Variants in RYR2 observed in about 807,000 individuals in gnomAD.
RYR2 encodes the protein cardiac muscle ryanodine receptor-calcium release channel.
In RYR2, 227 loss-of-function variants were observed where a neutral mutation model predicts 601.1. That is an observed-to-expected ratio of 0.38 (90% CI 0.34 to 0.42). The LOEUF is 0.42. RYR2 is among the 10% of genes least tolerant of loss of function. The pLI, the probability that RYR2 is intolerant of heterozygous loss-of-function variation, is 1.00. For synonymous variants in RYR2, 2,223 were observed against 2,175.1 expected, an observed-to-expected ratio of 1.02 and a Z score of -0.61; for missense variants, 4,646 against 6,156.5, an observed-to-expected ratio of 0.75 and a Z score of 8.21.
At chr1:237,691,116 TAAGCATTTAA>T (rs1423556873) in intron 63 of RYR2, among the ~76,000 whole-genome samples, 2 of 152,212 alleles carry the variant, frequency 1.3e-5, no homozygotes, top group African/African-American at 4.8e-5. Flanking sequence ...CTCTAAGTCT[TAAGCATTTAA>T]GCTTCACATA....
In RYR2 at chr1:237,105,822, G is replaced by A. The variant is rs550610794; in HGVS notation, c.48+63253G>A. On this transcript the variant is annotated intron_variant, in intron 1 of 104. Transcript: ENST00000366574. ...TGCACTCCAGCCTGGGCGACAAAGC[G>A]AGACTCTGTCTCAAAAAAAAAAAAA... is the stretch of plus-strand genomic sequence containing the variant. Among the ~76,000 whole-genome samples, 9 of 133,004 alleles carry A rather than the reference G, an allele frequency of 6.8e-5. No homozygotes were observed. The South Asian group carries it at 2.2e-3, about 33-fold the overall frequency. 87.3% of individuals were successfully genotyped at this position (133,004 alleles called of 152,430 possible).
chr1:237,401,590 T>C (rs1703352552), intron 10 of RYR2, among the ~76,000 whole-genome samples: 1 of 152,226 alleles, frequency 6.6e-6, no homozygotes, highest in Non-Finnish European at 1.5e-5. Context: ...CCTGTGGAAT[T>C]AGGATATTTT....
chr1:237,548,705 T>C (rs1670077722), intron 26 of RYR2, 115 bp downstream of exon 26: 1 of 1,270,446 alleles, frequency 7.9e-7, no homozygotes. Context: ...AGATCACATA[T>C]AGTGCACATT....
intron 1 of RYR2, among the ~76,000 whole-genome samples, chr1:237,045,421 C>T (rs994121735): frequency 7.9e-5 from 12 of 152,096 alleles, no homozygotes; most frequent in African/African-American, 2.7e-4. Context: ...GTTCCATTTG[C>T]TGCTGCTTGT....
intron 41 of RYR2, among the ~76,000 whole-genome samples, chr1:237,629,199 T>A (rs1439126388): frequency 1.3e-5 from 2 of 152,100 alleles, no homozygotes; most frequent in African/African-American, 4.8e-5. Context: ...CTTATATAGT[T>A]CGGGGATTTG....
chr1:237,330,076 A>AT (rs1413042034), intron 2 of RYR2, among the ~76,000 whole-genome samples: 3 of 152,170 alleles, frequency 2.0e-5, no homozygotes, highest in Non-Finnish European at 4.4e-5. Flanking sequence ...GACAACTATT[A>AT]TTTTTCTGTT....
chr1:237,546,535 G>A (rs1356794216), intron 25 of RYR2, among the ~76,000 whole-genome samples: 9 of 151,912 alleles, frequency 5.9e-5, no homozygotes, highest in African/African-American at 2.2e-4. Context: ...GTGCCACCAT[G>A]CCCAGCTAAT....
intron 3 of RYR2, among the ~76,000 whole-genome samples, chr1:237,334,716 GTTCT>G (rs1244767670): frequency 2.6e-5 from 4 of 152,136 alleles, no homozygotes; most frequent in Admixed American, 2.6e-4. Context: ...GGCTTCTGCT[GTTCT>G]TTCTATTTCC....
intron 1 of RYR2, among the ~76,000 whole-genome samples, chr1:237,127,509 G>C (rs1671607788): frequency 6.6e-6 from 1 of 151,444 alleles, no homozygotes; most frequent in African/African-American, 2.4e-5. Context: ...GGCCGGGCGG[G>C]GGGCTGATGC....
intron 2 of RYR2, among the ~76,000 whole-genome samples, chr1:237,292,834 G>T (rs1204147711): frequency 6.6e-6 from 1 of 152,110 alleles, no homozygotes; most frequent in Admixed American, 6.6e-5. Flanking sequence ...GAGAATGTTT[G>T]CACGAGATAA....
intron 1 of RYR2, among the ~76,000 whole-genome samples, chr1:237,101,406 A>G (rs1220932021): frequency 1.3e-5 from 2 of 150,924 alleles, no homozygotes; most frequent in Admixed American, 6.6e-5. Flanking sequence ...TCCTTAGCGC[A>G]GTGGTAGATT....
intron 1 of RYR2, among the ~76,000 whole-genome samples, chr1:237,121,304 C>CA (rs762931006): frequency 9.2e-5 from 14 of 152,116 alleles, no homozygotes; most frequent in African/African-American, 2.7e-4. Context: ...AGGAAGAAAG[C>CA]AAGTGTTTTT....
chr1:237,638,640 T>A (rs1573268975), intron 45 of RYR2, 148 bp downstream of exon 45: 1 of 889,180 alleles, frequency 1.1e-6, no homozygotes, highest in East Asian at 2.6e-5. Flanking sequence ...CAGTAACCAC[T>A]TATAATACAA....
chr1:237,215,640 A>G (rs1176508108), intron 1 of RYR2, among the ~76,000 whole-genome samples: 2 of 152,202 alleles, frequency 1.3e-5, no homozygotes, highest in African/African-American at 4.8e-5. Flanking sequence ...GACCAGCAGA[A>G]AAAGGTTTCC....
At chr1:237,083,122 G>T (rs1665931382) in intron 1 of RYR2, among the ~76,000 whole-genome samples, 2 of 152,176 alleles carry the variant, frequency 1.3e-5, no homozygotes, top group Admixed American at 1.3e-4. Context: ...AGAGCCATCA[G>T]CAGTTACCCT....
chr1:237,729,217 G>T (rs976884460), intron 76 of RYR2, among the ~76,000 whole-genome samples: 1 of 152,044 alleles, frequency 6.6e-6, no homozygotes, highest in Non-Finnish European at 1.5e-5. Context: ...TTATTCCAGT[G>T]GTTCGCCAAC....
chr1:237,353,225 A>T (rs748956592), intron 3 of RYR2, among the ~76,000 whole-genome samples: 1 of 152,172 alleles, frequency 6.6e-6, no homozygotes, highest in Non-Finnish European at 1.5e-5. Flanking sequence ...AAGTTTATGG[A>T]ATAGTTCATG....
At chr1:237,238,328 C>T (rs942065879) in intron 1 of RYR2, among the ~76,000 whole-genome samples, 3 of 152,116 alleles carry the variant, frequency 2.0e-5, no homozygotes, top group Admixed American at 1.3e-4. Flanking sequence ...AAGTCCCCCT[C>T]CCCCAACAGC....
chr1:237,709,459 T>G (rs1245299791), intron 69 of RYR2, 21 bp from the exon 70 acceptor site: 3 of 1,535,736 alleles, frequency 2.0e-6, no homozygotes, highest in Non-Finnish European at 2.7e-6. Flanking sequence ...GAGAAACCAC[T>G]TTATTTATTA....
Sources: allele counts gnomAD v4.1 joint callset (sites outside exome capture counted in the v4.1 genomes callset), GRCh38; gene constraint gnomAD v4.1.1; transcripts MANE v1.5; gene names NCBI Gene and HGNC (gene_info 2026-07-23, HGNC 2026-07-21).